The following RIC1 variants were observed in gnomAD, a reference collection of about 807,000 sequenced individuals.
RIC1 encodes guanine nucleotide exchange factor subunit RIC1.
RIC1 carries 88 observed loss-of-function variants against 169.0 expected under a neutral mutation model. The ratio of observed to expected loss-of-function variants is 0.52; its 90% CI spans 0.44 to 0.62. The LOEUF (loss-of-function observed/expected upper bound fraction) is 0.62. RIC1 is among the 20% of genes least tolerant of loss of function. The pLI, the probability that RIC1 is intolerant of heterozygous loss-of-function variation, is 0.00. For synonymous variants in RIC1, 790 were observed against 601.5 expected (o/e 1.31, Z -4.59); for missense variants, 1,877 against 1,725.5 (o/e 1.09, Z -1.56).
chr9:5,697,904 A>G (rs1822000143), intron 3 of RIC1, among the ~76,000 whole-genome samples: 1 of 152,252 alleles, frequency 6.6e-6, no homozygotes, highest in African/African-American at 2.4e-5. Context: ...CCAGGTAAAT[A>G]TCTTGAAAAG....
intron 17 of RIC1, among the ~76,000 whole-genome samples, chr9:5,761,754 G>C (rs1441588496): frequency 6.6e-6 from 1 of 152,092 alleles, no homozygotes; most frequent in African/African-American, 2.4e-5. Flanking sequence ...GATATCTGAG[G>C]TTCCTTTTAA....
At chr9:5,735,842 T>C (rs1330479502) in intron 7 of RIC1, among the ~76,000 whole-genome samples, 1 of 152,234 alleles carries the variant, frequency 6.6e-6, no homozygotes. Flanking sequence ...ATATATTTCC[T>C]ATGGTATCAT....
chr9:5,759,621 T>C (rs1563712596), intron 17 of RIC1, among the ~76,000 whole-genome samples: 1 of 152,206 alleles, frequency 6.6e-6, no homozygotes, highest in African/African-American at 2.4e-5. Flanking sequence ...TAAATACTAA[T>C]GGAGAGAGAA....
chr9:5,738,234 G>A (rs1262326161), intron 7 of RIC1, among the ~76,000 whole-genome samples: 1 of 152,012 alleles, frequency 6.6e-6, no homozygotes, highest in African/African-American at 2.4e-5. Flanking sequence ...CATATCTCTA[G>A]TAAACATTAG....
chr9:5,697,090 A>G (rs761700727), intron 3 of RIC1, among the ~76,000 whole-genome samples: 13 of 152,184 alleles, frequency 8.5e-5, no homozygotes, highest in Non-Finnish European at 1.5e-4. Flanking sequence ...GAGTGTCACT[A>G]TGTATTTGGA....
intron 6 of RIC1, among the ~76,000 whole-genome samples, chr9:5,722,403 G>C (rs551343719): frequency 1.9e-3 from 265 of 137,706 alleles, no homozygotes; most frequent in African/African-American, 6.7e-3. Context: ...TGTATGTGTG[G>C]GTCTATAGGT....
chr9:5,761,646 T>A (rs1231824663), intron 17 of RIC1, among the ~76,000 whole-genome samples: 3 of 152,234 alleles, frequency 2.0e-5, no homozygotes, highest in Non-Finnish European at 1.5e-5. Flanking sequence ...GGAAATCATC[T>A]TTGGTTCATC....
intron 2 of RIC1, among the ~76,000 whole-genome samples, chr9:5,687,156 T>C (rs955214490): frequency 1.3e-4 from 20 of 152,184 alleles, no homozygotes; most frequent in South Asian, 4.1e-4. Flanking sequence ...CATTATTCTT[T>C]TAATACCTCT....
intron 12 of RIC1, among the ~76,000 whole-genome samples, chr9:5,749,611 C>T (rs1825600185): frequency 6.6e-6 from 1 of 152,056 alleles, no homozygotes; most frequent in Admixed American, 6.6e-5. Flanking sequence ...ATTTAGAGTA[C>T]TAGCTTTTTG....
chr9:5,686,411 A>G (rs1200163704), intron 2 of RIC1, among the ~76,000 whole-genome samples: 3 of 152,150 alleles, frequency 2.0e-5, no homozygotes, highest in Admixed American at 6.5e-5. Flanking sequence ...GATTAAGAAA[A>G]TGTGGCACAT....
chr9:5,778,595 C>G (rs923257467), downstream of RIC1, among the ~76,000 whole-genome samples: 1 of 152,222 alleles, frequency 6.6e-6, no homozygotes, highest in South Asian at 2.1e-4. Context: ...CAAATCCCTT[C>G]CATGATAAAA....
intron 11 of RIC1, 118 bp downstream of exon 11, chr9:5,746,201 G>T (rs778503017): frequency 1.6e-6 from 1 of 609,874 alleles, no homozygotes; most frequent in Non-Finnish European, 2.6e-6. Context: ...TCTTTTCTAT[G>T]ATTCTTGTGT....
chr9:5,716,653 G>T (rs934944545), intron 4 of RIC1, among the ~76,000 whole-genome samples: 2 of 152,078 alleles, frequency 1.3e-5, no homozygotes, highest in African/African-American at 4.8e-5. Flanking sequence ...GAAAAGACAT[G>T]GGTTATTAGT....
At chr9:5,738,835 C>T (rs140009390) in intron 8 of RIC1, among the ~76,000 whole-genome samples, 1,544 of 151,514 alleles carry the variant, frequency 0.01, 11 homozygotes, top group Middle Eastern at 0.017. Context: ...AATTAATTAG[C>T]CAATGCCCAA....
chr9:5,682,166 T>G (rs543120598), intron 2 of RIC1, among the ~76,000 whole-genome samples: 1 of 152,298 alleles, frequency 6.6e-6, no homozygotes, highest in East Asian at 1.9e-4. Flanking sequence ...ACATTTAAGG[T>G]TAATATTGTT....
chr9:5,685,939 A>G (rs1026181870), intron 2 of RIC1, among the ~76,000 whole-genome samples: 2 of 150,938 alleles, frequency 1.3e-5, no homozygotes, highest in African/African-American at 4.9e-5. Flanking sequence ...AGAAAAAAAC[A>G]AACAAACCCA....
At chr9:5,691,179 C>T (rs1046864134) in intron 3 of RIC1, among the ~76,000 whole-genome samples, 3 of 151,786 alleles carry the variant, frequency 2.0e-5, no homozygotes, top group African/African-American at 4.8e-5. Context: ...AAGAACTTGA[C>T]CATATTATAA....
rs1827483972 is a variant in RIC1, at chr9:5,774,722, C to T, written c.*476C>T. 6.5e-6 allele frequency: 1 copy of T among 153,118 alleles called. No homozygotes were observed. The highest frequency in any genetic ancestry group is 1.5e-5 in the Non-Finnish European group (1 of 68,684). The allele number at this position is 153,118 out of a possible 1,614,324, so 9.5% of individuals were successfully genotyped here. ...ACAGCTGGACTCTTTAATCAGTCCT[C>T]CTGAATAGATTGCTACCCTGGGGCA... On this transcript the variant is annotated 3_prime_UTR_variant, in exon 26 of 26. Coordinates refer to ENST00000414202, the MANE Select transcript of RIC1 (RefSeq NM_020829.4).
chr9:5,653,423 T>C (rs1818915517), intron 1 of RIC1, among the ~76,000 whole-genome samples: 1 of 152,208 alleles, frequency 6.6e-6, no homozygotes, highest in African/African-American at 2.4e-5. Context: ...TTTGCCTCTC[T>C]GTATCAACTT....
Sources: allele counts gnomAD v4.1 joint callset (sites outside exome capture counted in the v4.1 genomes callset), GRCh38; gene constraint gnomAD v4.1.1; transcripts MANE v1.5; gene names NCBI Gene and HGNC (gene_info 2026-07-23, HGNC 2026-07-21).